SLC7A14: variants seen among roughly 807,000 people sequenced by gnomAD.
SLC7A14 encodes solute carrier family 7 member 14.
In SLC7A14, 37 loss-of-function variants were observed where a neutral mutation model predicts 60.2. That is an observed-to-expected ratio of 0.61 (90% CI 0.47 to 0.81). The LOEUF is 0.81. Ranked by LOEUF, SLC7A14 falls within the 30% of genes least tolerant of loss-of-function variation. The pLI, the probability that SLC7A14 is intolerant of heterozygous loss-of-function variation, is 0.00. For missense variants in SLC7A14, 886 were observed against 982.7 expected (o/e 0.90, Z 1.32); for synonymous variants, 399 against 395.8 (o/e 1.01, Z -0.10).
At chr3:170,489,810 T>C (rs1202199557) in intron 4 of SLC7A14, among the ~76,000 whole-genome samples, 1 of 152,176 alleles carries the variant, frequency 6.6e-6, no homozygotes, top group Admixed American at 6.5e-5. Flanking sequence ...GAACTGAAGA[T>C]CTTTATGTTA....
chr3:170,532,575 G>A lies in SLC7A14; in HGVS notation c.-152-5487C>T, dbSNP rs967411420. Among the ~76,000 whole-genome samples, 1 of 152,258 alleles carries A rather than the reference G, an allele frequency of 6.6e-6. No individual in the cohort carries two copies. Among genetic ancestry groups the A allele is most frequent in the African/African-American group, 2.4e-5 (1 of 41,464 alleles). ...CAGGGTTGTGGTGAGGAGTGGAAGA[G>A]CTAATACGTGTAGAGCTTTTAGTAC... On this transcript the variant is annotated intron_variant, in intron 1 of 7. Transcript: ENST00000231706. The surrounding 1 kb of genome is among the most constrained non-coding windows in gnomAD (Gnocchi z 4.0).
intron 6 of SLC7A14, among the ~76,000 whole-genome samples, 194 bp from the exon 7 acceptor site, chr3:170,481,360 A>G (rs1254138382): frequency 6.6e-6 from 1 of 151,494 alleles, no homozygotes; most frequent in Non-Finnish European, 1.5e-5. Context: ...TATATAATTA[A>G]AAAAGAATTC....
intron 7 of SLC7A14, among the ~76,000 whole-genome samples, chr3:170,479,538 G>T (rs368579031): frequency 6.6e-6 from 1 of 152,166 alleles, no homozygotes; most frequent in Non-Finnish European, 1.5e-5. Context: ...GTCCGTGAAA[G>T]TGAGTTTAGA....
intron 4 of SLC7A14, among the ~76,000 whole-genome samples, chr3:170,491,993 T>G (rs184699153): frequency 6.6e-6 from 1 of 152,324 alleles, no homozygotes. Flanking sequence ...ATCTTTTTAC[T>G]TGAGTTGGTT....
intron 1 of SLC7A14, among the ~76,000 whole-genome samples, chr3:170,571,227 G>A (rs530490230): frequency 2.6e-5 from 4 of 152,228 alleles, no homozygotes; most frequent in South Asian, 2.1e-4. Flanking sequence ...TTGCTTTGGG[G>A]TAATCAAACA....
chr3:170,496,377 C>T (rs541193087), intron 4 of SLC7A14: 10 of 1,414,732 alleles, frequency 7.1e-6, no homozygotes, highest in African/African-American at 2.8e-5. Flanking sequence ...GAACATCAGC[C>T]GGCTCCAGGC....
intron 5 of SLC7A14, among the ~76,000 whole-genome samples, chr3:170,485,387 C>CA (rs1237925333): frequency 6.6e-6 from 1 of 152,202 alleles, no homozygotes; most frequent in East Asian, 1.9e-4. Flanking sequence ...TCAGCAGCAG[C>CA]ACCCCCCACT....
At chr3:170,471,118 T>A (rs976889723) in intron 7 of SLC7A14, among the ~76,000 whole-genome samples, 4 of 151,526 alleles carry the variant, frequency 2.6e-5, no homozygotes, top group Non-Finnish European at 5.9e-5. Context: ...TGTGTGTGTG[T>A]GTGAGTGATT....
At chr3:170,470,307 C>CGTGTGTGT (rs1553864040) in intron 7 of SLC7A14, among the ~76,000 whole-genome samples, 3 of 39,904 alleles carry the variant, frequency 7.5e-5, no homozygotes, top group Non-Finnish European at 1.7e-4. Context: ...CTGGAAGGAA[C>CGTGTGTGT]ATGTGTGTGT....
chr3:170,531,434 G>A (rs189585205), intron 1 of SLC7A14, among the ~76,000 whole-genome samples: 1 of 151,870 alleles, frequency 6.6e-6, no homozygotes, highest in African/African-American at 2.4e-5. Context: ...TTTGCACTTC[G>A]TATTCCTGGT....
chr3:170,543,477 C>A (rs756903923), intron 1 of SLC7A14, among the ~76,000 whole-genome samples: 2 of 151,862 alleles, frequency 1.3e-5, no homozygotes, highest in Non-Finnish European at 2.9e-5. Context: ...TGGAGAAACC[C>A]AGTCTCTACT....
intron 2 of SLC7A14, among the ~76,000 whole-genome samples, chr3:170,525,820 C>G (rs1713476960): frequency 1.3e-5 from 2 of 152,140 alleles, no homozygotes; most frequent in Admixed American, 1.3e-4. Flanking sequence ...TTGCCGCGGC[C>G]GAGGCGGGCG....
intron 1 of SLC7A14, among the ~76,000 whole-genome samples, chr3:170,529,630 G>T (rs1713614717): frequency 6.6e-6 from 1 of 152,088 alleles, no homozygotes; most frequent in Non-Finnish European, 1.5e-5. Context: ...TTCAGAGAGG[G>T]ATACAGACTG....
chr3:170,505,152 A>T (rs1168290666), intron 2 of SLC7A14, among the ~76,000 whole-genome samples: 1 of 152,056 alleles, frequency 6.6e-6, no homozygotes, highest in Non-Finnish European at 1.5e-5. Context: ...GGACTGCAAC[A>T]GCTGGGTAAA....
chr3:170,524,528 T>C (rs139907324), intron 2 of SLC7A14, among the ~76,000 whole-genome samples: 2 of 152,362 alleles, frequency 1.3e-5, no homozygotes, highest in Non-Finnish European at 2.9e-5. Flanking sequence ...TGAGATCTAT[T>C]GAAAACTGTG....
chr3:170,574,010 T>TTCAGAGCTGGATCACTC (rs1279988842), intron 1 of SLC7A14, among the ~76,000 whole-genome samples: 1 of 152,204 alleles, frequency 6.6e-6, no homozygotes, highest in Non-Finnish European at 1.5e-5. Flanking sequence ...GGCTAGATTC[T>TTCAGAGCTGGATCACTC]TCAGAGCTGG....
In SLC7A14 at chr3:170,481,076, G is replaced by A. The variant is rs1293191996; in HGVS notation, c.1206C>T (p.Val402=). 6.2e-7 allele frequency: 1 copy of A among 1,613,984 alleles called. No individual in the cohort carries two copies. Among genetic ancestry groups the A allele is most frequent in the African/African-American group, 1.3e-5 (1 of 74,890 alleles). The stretch of plus-strand genomic sequence containing the variant: ...TCATCTCTATCAGGTCTCTCAAGCT[G>A]ACCAACAGTGCGAGGAGCGCTGCCA... The part of the protein sequence containing the change: ...GFLAALLALL[V]SLRDLIEMMS... Residue 402 remains valine (V), a synonymous_variant, in exon 7 of 8, where the codon GTC becomes GTT. Coordinates refer to ENST00000231706, the MANE Select transcript of SLC7A14 (RefSeq NM_020949.3).
chr3:170,518,693 G>A (rs1261952562), intron 2 of SLC7A14, among the ~76,000 whole-genome samples: 1 of 152,166 alleles, frequency 6.6e-6, no homozygotes, highest in African/African-American at 2.4e-5. Flanking sequence ...TATTTTGGTT[G>A]GGGAAAGATA....
At chr3:170,500,995 G>C (rs976996703) in intron 3 of SLC7A14, 114 bp downstream of exon 3, 2 of 875,998 alleles carry the variant, frequency 2.3e-6, no homozygotes, top group African/African-American at 3.3e-5. Flanking sequence ...AAGAAAAAGA[G>C]AGATATATTT....
Sources: gnomAD v4.1 joint callset for allele counts (sites outside exome capture counted in the v4.1 genomes callset) on GRCh38, gnomAD v4.1.1 for gene constraint, Gnocchi (gnomAD v3.1) non-coding constraint, MANE v1.5 for transcripts, NCBI Gene and HGNC (gene_info 2026-07-23, HGNC 2026-07-21) for gene names.